Variants in TRPM3 observed in about 807,000 individuals in gnomAD.
TRPM3 encodes the protein long transient receptor potential channel 3.
TRPM3 carries 77 observed loss-of-function variants against 181.2 expected under a neutral mutation model. The ratio of observed to expected loss-of-function variants is 0.42; its 90% CI spans 0.35 to 0.51. TRPM3 has a LOEUF of 0.51. TRPM3 is among the 20% of genes least tolerant of loss of function. The probability of loss-of-function intolerance (pLI) is 0.01; values close to 1 mark genes in which losing one functional copy is unlikely to be tolerated. For synonymous variants in TRPM3, 745 were observed against 796.4 expected (o/e 0.94, Z 1.09); for missense variants, 1,759 against 2,196.7 (o/e 0.80, Z 3.98).
chr9:70,532,836 C>T lies in TRPM3; in HGVS notation c.*3117G>A, dbSNP rs905898323. On this transcript the variant is annotated 3_prime_UTR_variant, in exon 26 of 26. Transcript: ENST00000677713. ...CAAAGACAGGTAATTAACGTCCCCT[C>T]GATCAGGGATGTGGTGGAATCAATG... 2.6e-5 allele frequency: 4 copies of T among 152,200 alleles called. No homozygotes were observed. The highest frequency in any genetic ancestry group is 2.1e-4 in the South Asian group (1 of 4,820). The allele number at this position is 152,200 out of a possible 1,614,324, so 9.4% of individuals were successfully genotyped here.
intron 1 of TRPM3, among the ~76,000 whole-genome samples, chr9:70,895,945 C>T (rs2096273522): frequency 6.6e-6 from 1 of 152,088 alleles, no homozygotes; most frequent in African/African-American, 2.4e-5. Flanking sequence ...AGTGAAATCT[C>T]ACCACATAGG....
chr9:71,408,177 AACCAGAGC>A (rs2093473011), intron 1 of TRPM3, among the ~76,000 whole-genome samples: 1 of 152,188 alleles, frequency 6.6e-6, no homozygotes, highest in Non-Finnish European at 1.5e-5. Context: ...AAATTCTAAA[AACCAGAGC>A]ACCTCTTCTC....
intron 6 of TRPM3, among the ~76,000 whole-genome samples, chr9:70,820,471 C>T (rs774685710): frequency 2.0e-5 from 3 of 152,092 alleles, no homozygotes; most frequent in Admixed American, 6.5e-5. Flanking sequence ...TCAGGTGATC[C>T]GCCCACCTTG....
chr9:70,994,326 C>A (rs1054350817), intron 1 of TRPM3, among the ~76,000 whole-genome samples: 1 of 152,060 alleles, frequency 6.6e-6, no homozygotes, highest in Non-Finnish European at 1.5e-5. Flanking sequence ...TGTTAGTAAT[C>A]CCAGTTGCTA....
At chr9:70,894,743 G>T (rs2096258474) in intron 1 of TRPM3, among the ~76,000 whole-genome samples, 1 of 152,062 alleles carries the variant, frequency 6.6e-6, no homozygotes, top group African/African-American at 2.4e-5. Context: ...AATATATATA[G>T]CACTCAACAG....
At chr9:70,645,372 T>A (rs1054883691) in intron 9 of TRPM3, among the ~76,000 whole-genome samples, 1 of 151,820 alleles carries the variant, frequency 6.6e-6, no homozygotes, top group Non-Finnish European at 1.5e-5. Flanking sequence ...TATATATCAA[T>A]GGAACAGAGC....
chr9:71,183,998 C>T (rs2077540957), intron 1 of TRPM3, among the ~76,000 whole-genome samples: 1 of 152,070 alleles, frequency 6.6e-6, no homozygotes, highest in Admixed American at 6.6e-5. Context: ...ATCAACAGCA[C>T]CACAGCTTTG....
intron 6 of TRPM3, chr9:70,809,908 A>G (rs571161489): frequency 1.7e-4 from 91 of 528,262 alleles, no homozygotes; most frequent in South Asian, 1.3e-3. Context: ...TATGGGCCCA[A>G]TGATGGAAAA....
chr9:70,789,150 T>G (rs2084707895), intron 6 of TRPM3, among the ~76,000 whole-genome samples: 1 of 152,174 alleles, frequency 6.6e-6, no homozygotes, highest in South Asian at 2.1e-4. Flanking sequence ...AGATTCACAA[T>G]CTTACAAATT....
At chr9:71,016,609 T>C (rs1033352604) in intron 1 of TRPM3, among the ~76,000 whole-genome samples, 1 of 152,202 alleles carries the variant, frequency 6.6e-6, no homozygotes, top group African/African-American at 2.4e-5. Context: ...TTTTTAAAGC[T>C]GAATGATATG....
chr9:71,165,092 TCA>T (rs2076473480), intron 1 of TRPM3, among the ~76,000 whole-genome samples: 1 of 152,154 alleles, frequency 6.6e-6, no homozygotes, highest in Non-Finnish European at 1.5e-5. Flanking sequence ...ATAAGGACAA[TCA>T]GTATAGACCA....
At chr9:71,259,916 T>C (rs2082928288) in intron 1 of TRPM3, among the ~76,000 whole-genome samples, 1 of 152,204 alleles carries the variant, frequency 6.6e-6, no homozygotes, top group African/African-American at 2.4e-5. Context: ...TGGCTTTTTT[T>C]GCAATTTCTT....
At position 70,935,112 on chromosome 9, in the gene TRPM3, C is replaced by T. The variant is rs1423954748; in HGVS notation, c.178-70601G>A. Among the ~76,000 whole-genome samples, 32 of 152,220 alleles carry T rather than the reference C, an allele frequency of 2.1e-4. 1 individual carries two copies. Among genetic ancestry groups the T allele is most frequent in the Admixed American group, 2.0e-3 (31 of 15,278 alleles). The stretch of plus-strand genomic sequence containing the variant: ...AACCCACTGACTACTTCTCTTTCCA[C>T]CTCATGAATGCCCACGCACCCAGTG... On this transcript the variant is annotated intron_variant, in intron 1 of 25. Coordinates refer to ENST00000677713, the MANE Select transcript of TRPM3 (RefSeq NM_001366145.2).
chr9:71,086,727 A>C (rs1322845520), intron 1 of TRPM3, among the ~76,000 whole-genome samples: 2 of 151,984 alleles, frequency 1.3e-5, no homozygotes, highest in Non-Finnish European at 2.9e-5. Context: ...CTGCCTAAGG[A>C]AAGAATCTAA....
Position 70,698,470 on chromosome 9 carries a change from T to C in TRPM3, c.1273-16892A>G, listed in dbSNP as rs562268330. On this transcript the variant is annotated intron_variant, in intron 8 of 25. Coordinates refer to ENST00000677713, the MANE Select transcript of TRPM3 (RefSeq NM_001366145.2). The stretch of plus-strand genomic sequence containing the variant: ...TTCTGTTGAAAGTTAAGTGAGATAA[T>C]GTACACTAAGTACTTAGCATATAGC... 2.6e-5 allele frequency among the ~76,000 whole-genome samples: 4 copies of C among 152,314 alleles called. No individual in the cohort carries two copies. The East Asian group carries it at 7.7e-4, about 29-fold the overall frequency.
In TRPM3 at chr9:70,534,427, A is replaced by C. The variant is rs1480982995; in HGVS notation, c.*1526T>G. ...ATGGAACTTCTTGTATATTAAAAAA[A>C]ATCTTGATTATACTTCAAGGTGATA... On this transcript the variant is annotated 3_prime_UTR_variant, in exon 26 of 26. Transcript: ENST00000677713. 6.6e-6 allele frequency: 1 copy of C among 152,248 alleles called. No homozygotes were observed. The highest frequency in any genetic ancestry group is 1.5e-5 in the Non-Finnish European group (1 of 68,028). The allele number at this position is 152,248 out of a possible 1,614,324, so 9.4% of individuals were successfully genotyped here.
At chr9:71,091,781 G>T (rs1182514716) in intron 1 of TRPM3, among the ~76,000 whole-genome samples, 3 of 151,896 alleles carry the variant, frequency 2.0e-5, no homozygotes, top group African/African-American at 7.3e-5. Flanking sequence ...GAAAATCAAT[G>T]ATATAAACCC....
At position 70,928,747 on chromosome 9, in the gene TRPM3, T is replaced by A. The variant is rs537132878; in HGVS notation, c.178-64236A>T. 3.4e-4 allele frequency among the ~76,000 whole-genome samples: 52 copies of A among 152,288 alleles called. 1 individual carries two copies. The highest frequency in any genetic ancestry group is 1.2e-3 in the African/African-American group (51 of 41,564). On this transcript the variant is annotated intron_variant, in intron 1 of 25. Transcript: ENST00000677713. ...TGATGTACAGAGGGGTGTGGTTGAA[T>A]AACATGGGTGTATGAACAGAAGATG...
At position 70,534,447 on chromosome 9, in the gene TRPM3, G is replaced by T. The variant is rs929701969; in HGVS notation, c.*1506C>A. 5 of 152,082 alleles carry T rather than the reference G, an allele frequency of 3.3e-5. No homozygotes were observed. The highest frequency in any genetic ancestry group is 6.5e-5 in the Admixed American group (1 of 15,272). The allele number at this position is 152,082 out of a possible 1,614,324, so 9.4% of individuals were successfully genotyped here. A position where few individuals can be genotyped will look rare whatever the true frequency, so the allele number is the denominator to read the frequency against. On this transcript the variant is annotated 3_prime_UTR_variant, in exon 26 of 26. Transcript: ENST00000677713. ...AAAAAAATCTTGATTATACTTCAAG[G>T]TGATAGAAAAGTCCAAGCCTCTTAA...
Sources: gnomAD v4.1 joint callset for allele counts (sites outside exome capture counted in the v4.1 genomes callset) on GRCh38, gnomAD v4.1.1 for gene constraint, MANE v1.5 for transcripts, NCBI Gene and HGNC (gene_info 2026-07-23, HGNC 2026-07-21) for gene names.